Variants in PTGER3 observed in about 807,000 individuals in gnomAD.
PTGER3 encodes the protein prostaglandin E receptor 3.
Under a neutral mutation model 34.7 loss-of-function variants are expected in PTGER3, and 22 were observed. The ratio of observed to expected loss-of-function variants is 0.63; its 90% confidence interval spans 0.45 to 0.91. The LOEUF is 0.91. PTGER3 is among the 40% of genes least tolerant of loss of function. The probability of loss-of-function intolerance (pLI) is 0.00; values close to 1 mark genes in which losing one functional copy is unlikely to be tolerated. For synonymous variants in PTGER3, 241 were observed against 230.1 expected (o/e 1.05, Z -0.43); for missense variants, 468 against 519.4 (o/e 0.90, Z 0.96).
chr1:71,047,624 G>A lies in PTGER3; in HGVS notation c.-47C>T. On this transcript the variant is annotated 5_prime_UTR_variant, in exon 1 of 4. Coordinates refer to ENST00000306666, the MANE Select transcript of PTGER3 (RefSeq NM_198719.2). ...GGATGGCGTCCAGAGAGCCGCAGCGGGAGGGGGCAGACGCGGCGCGGGCGG... is the reference window on the plus strand; with the variant it reads ...GGATGGCGTCCAGAGAGCCGCAGCGAGAGGGGGCAGACGCGGCGCGGGCGG... 1.4e-6 allele frequency: 2 copies of A among 1,474,548 alleles called. No homozygotes were observed. Among genetic ancestry groups the A allele is most frequent in the Non-Finnish European group, 1.8e-6 (2 of 1,108,120 alleles). The allele number at this position is 1,474,548 out of a possible 1,614,324, so 91.3% of individuals were successfully genotyped here. A position where few individuals can be genotyped will look rare whatever the true frequency, so the allele number is the denominator to read the frequency against.
At chr1:70,936,149 G>T (rs1649205386) in intron 4 of PTGER3, among the ~76,000 whole-genome samples, 1 of 152,154 alleles carries the variant, frequency 6.6e-6, no homozygotes, top group Admixed American at 6.5e-5. Flanking sequence ...TCAAAGTGTG[G>T]TCCTTGGATC....
chr1:70,949,019 G>T (rs1462873642), downstream of PTGER3, among the ~76,000 whole-genome samples: 1 of 152,120 alleles, frequency 6.6e-6, no homozygotes, highest in Admixed American at 6.6e-5. Context: ...AATAGAGTTT[G>T]CATTTTATTC....
chr1:70,939,576 G>T (rs1249537473), intron 4 of PTGER3, among the ~76,000 whole-genome samples: 1 of 152,250 alleles, frequency 6.6e-6, no homozygotes, highest in Non-Finnish European at 1.5e-5. Flanking sequence ...TACATCCTCT[G>T]AAATCTAGGT....
intron 4 of PTGER3, among the ~76,000 whole-genome samples, chr1:70,924,669 CT>C (rs1375130931): frequency 6.6e-6 from 1 of 152,112 alleles, no homozygotes; most frequent in Non-Finnish European, 1.5e-5. Context: ...GAATATATTG[CT>C]ATTGTACTCT....
At chr1:70,894,737 A>G (rs770246646) in intron 4 of PTGER3, among the ~76,000 whole-genome samples, 5 of 152,152 alleles carry the variant, frequency 3.3e-5, no homozygotes, top group Admixed American at 2.6e-4. Flanking sequence ...ATCCCACCCT[A>G]TCTCCAGTAG....
chr1:70,917,446 C>CGTGTGT (rs1557653574), intron 4 of PTGER3, among the ~76,000 whole-genome samples: 4 of 81,730 alleles, frequency 4.9e-5, no homozygotes, highest in Admixed American at 1.2e-4. Context: ...TGTGTGTATA[C>CGTGTGT]AATCAATTCC....
At chr1:70,855,096 A>T (rs1411787468) in intron 4 of PTGER3, among the ~76,000 whole-genome samples, 1 of 152,220 alleles carries the variant, frequency 6.6e-6, no homozygotes, top group Non-Finnish European at 1.5e-5. Flanking sequence ...ATATAAATGG[A>T]TACAGAGAAT....
intron 1 of PTGER3, among the ~76,000 whole-genome samples, chr1:71,040,104 G>T (rs1001923597): frequency 3.8e-5 from 5 of 129,964 alleles, no homozygotes; most frequent in African/African-American, 1.4e-4. Flanking sequence ...AAGAAGGAAA[G>T]AAAGAAAGAA....
chr1:70,908,274 G>C (rs189737258), intron 4 of PTGER3, among the ~76,000 whole-genome samples: 19 of 152,064 alleles, frequency 1.2e-4, no homozygotes, highest in African/African-American at 4.6e-4. Context: ...CAATTTTTCT[G>C]CTCTTTTAAA....
Position 71,047,644 on chromosome 1 carries a change from G to A in PTGER3, c.-67C>T. ...CAGCGGGAGGGGGCAGACGCGGCGC[G>A]GGCGGCGGCGGAGGTCGGCGTTTAC... On this transcript the variant is annotated 5_prime_UTR_variant, in exon 1 of 4. Transcript: ENST00000306666. 6.9e-7 allele frequency: 1 copy of A among 1,445,902 alleles called. No individual in the cohort carries two copies. The highest frequency in any genetic ancestry group is 1.5e-5 in the South Asian group (1 of 68,334). The allele number at this position is 1,445,902 out of a possible 1,614,324, so 89.6% of individuals were successfully genotyped here.
chr1:70,920,499 T>C (rs1184905209), intron 4 of PTGER3, among the ~76,000 whole-genome samples: 1 of 152,174 alleles, frequency 6.6e-6, no homozygotes, highest in Non-Finnish European at 1.5e-5. Flanking sequence ...CAGAAACCAA[T>C]TTGAATAAAG....
intron 4 of PTGER3, among the ~76,000 whole-genome samples, chr1:70,885,331 C>T (rs1003993069): frequency 6.6e-6 from 1 of 152,146 alleles, no homozygotes; most frequent in African/African-American, 2.4e-5. Flanking sequence ...TCCATCTGTG[C>T]ATTTATTCAT....
At position 70,995,840 on chromosome 1, in the gene PTGER3, G is replaced by A. The variant is rs79890186; in HGVS notation, c.1077+16465C>T. On this transcript the variant is annotated intron_variant, in intron 2 of 3. Coordinates refer to ENST00000306666, the MANE Select transcript of PTGER3 (RefSeq NM_198719.2). ...TAACTCCTAAATATAGTTCTGGAAAGGAAATTAGTGTTATTTGATGTTAAT... is the reference window on the plus strand; with the variant it reads ...TAACTCCTAAATATAGTTCTGGAAAAGAAATTAGTGTTATTTGATGTTAAT... 2.4e-3 allele frequency among the ~76,000 whole-genome samples: 368 copies of A among 152,242 alleles called. 3 individuals carry two copies. The highest frequency in any genetic ancestry group is 8.4e-3 in the African/African-American group (349 of 41,526).
intron 4 of PTGER3, among the ~76,000 whole-genome samples, chr1:70,931,159 A>G (rs1244551496): frequency 2.0e-5 from 3 of 152,216 alleles, no homozygotes; most frequent in Non-Finnish European, 2.9e-5. Context: ...CAAATTTTAA[A>G]GCTCCAAAAT....
At chr1:71,006,995 C>T (rs1657026070) in intron 2 of PTGER3, 1 of 985,508 alleles carries the variant, frequency 1.0e-6, no homozygotes, top group African/African-American at 1.7e-5. Flanking sequence ...TATTTTTTGT[C>T]TCCACAGTAT....
At chr1:70,906,457 A>G (rs1646950450) in intron 4 of PTGER3, among the ~76,000 whole-genome samples, 1 of 152,148 alleles carries the variant, frequency 6.6e-6, no homozygotes, top group African/African-American at 2.4e-5. Context: ...AAGCATCATT[A>G]TTTTTAAAAA....
At chr1:70,857,494 T>C (rs1299482590) in intron 4 of PTGER3, among the ~76,000 whole-genome samples, 2 of 152,008 alleles carry the variant, frequency 1.3e-5, no homozygotes, top group Non-Finnish European at 2.9e-5. Context: ...TATTTTGATG[T>C]GGATTAGCAT....
exon 5 of PTGER3, chr1:70,852,799 T>C (rs371898876): frequency 3.9e-5 from 62 of 1,609,694 alleles, no homozygotes; most frequent in Middle Eastern, 1.6e-4. Context: ...AAGAGAGTCA[T>C]GGAGCTTCCA....
intron 2 of PTGER3, among the ~76,000 whole-genome samples, chr1:71,001,261 CAAAT>C (rs1182500495): frequency 6.6e-6 from 1 of 151,908 alleles, no homozygotes; most frequent in African/African-American, 2.4e-5. Flanking sequence ...CACACACACA[CAAAT>C]AAGCACAAGT....
Sources: gnomAD v4.1 joint callset for allele counts (sites outside exome capture counted in the v4.1 genomes callset) on GRCh38, gnomAD v4.1.1 for gene constraint, MANE v1.5 for transcripts, NCBI Gene and HGNC (gene_info 2026-07-23, HGNC 2026-07-21) for gene names.